The following ANKRD30B variants were observed in gnomAD, a reference collection of about 807,000 sequenced individuals.
The protein encoded by ANKRD30B is ankyrin repeat domain 30B.
In ANKRD30B, 144 loss-of-function variants were observed where a neutral mutation model predicts 202.2. That is an observed-to-expected ratio of 0.71 (90% confidence interval 0.62 to 0.82). The LOEUF (loss-of-function observed/expected upper bound fraction) is 0.82. Among genes scored for constraint, ANKRD30B ranks in the 40% least tolerant of loss-of-function variants. The pLI, the probability that ANKRD30B is intolerant of heterozygous loss-of-function variation, is 0.00. For synonymous variants in ANKRD30B, 508 were observed against 561.3 expected (o/e 0.91, Z 1.34); for missense variants, 1,487 against 1,669.1 (o/e 0.89, Z 1.90).
At chr18:14,770,174 T>C (rs1471370548) in intron 8 of ANKRD30B, among the ~76,000 whole-genome samples, 1 of 152,198 alleles carries the variant, frequency 6.6e-6, no homozygotes, top group Non-Finnish European at 1.5e-5. Flanking sequence ...TCTTCTCTGC[T>C]TTGCTTGGTG....
At chr18:14,874,552 TC>T in the ANKRD30B span, among the ~76,000 whole-genome samples, 1 of 152,206 alleles carries the variant, frequency 6.6e-6, no homozygotes. Flanking sequence ...TAAAGTTTTA[TC>T]TATTTCGATT....
chr18:14,847,901 T>G (rs1971720168), intron 39 of ANKRD30B, among the ~76,000 whole-genome samples: 1 of 152,068 alleles, frequency 6.6e-6, no homozygotes, highest in Non-Finnish European at 1.5e-5. Flanking sequence ...CTGGCTTACA[T>G]GCAATCTTCA....
the ANKRD30B span, among the ~76,000 whole-genome samples, chr18:14,902,355 T>G: frequency 6.6e-6 from 1 of 152,142 alleles, no homozygotes; most frequent in Non-Finnish European, 1.5e-5. Flanking sequence ...AAAGAGGGAT[T>G]TACCCAATTC....
At chr18:14,834,668 G>T (rs1478829996) in intron 34 of ANKRD30B, among the ~76,000 whole-genome samples, 5 of 151,864 alleles carry the variant, frequency 3.3e-5, no homozygotes, top group Non-Finnish European at 5.9e-5. Flanking sequence ...AAAATACCTA[G>T]TAGAGAATAA....
At chr18:14,850,579 A>T (rs1353380551) in intron 41 of ANKRD30B, among the ~76,000 whole-genome samples, 197 bp downstream of exon 41, 31 of 151,824 alleles carry the variant, frequency 2.0e-4, no homozygotes, top group Non-Finnish European at 3.0e-5. Context: ...TTTCAGTACA[A>T]AGAGCTTTTG....
intron 7 of ANKRD30B, among the ~76,000 whole-genome samples, chr18:14,766,088 A>C (rs1364384876): frequency 6.6e-6 from 1 of 152,278 alleles, no homozygotes; most frequent in Non-Finnish European, 1.5e-5. Flanking sequence ...TTTAGTTATT[A>C]TTGAGTTTAA....
intron 9 of ANKRD30B, among the ~76,000 whole-genome samples, chr18:14,775,345 C>A (rs1347775694): frequency 6.6e-6 from 1 of 152,196 alleles, no homozygotes; most frequent in African/African-American, 2.4e-5. Context: ...TAAATAATTT[C>A]TCTGCATTGA....
intron 34 of ANKRD30B, among the ~76,000 whole-genome samples, chr18:14,833,557 A>G (rs1971045436): frequency 6.6e-6 from 1 of 152,216 alleles, no homozygotes; most frequent in Non-Finnish European, 1.5e-5. Context: ...AGTTTATGAA[A>G]CATTCATTTT....
At chr18:14,917,211 A>G in the ANKRD30B span, among the ~76,000 whole-genome samples, 1 of 151,600 alleles carries the variant, frequency 6.6e-6, no homozygotes, top group East Asian at 1.9e-4. Flanking sequence ...TATTTCTTCT[A>G]TTTTTCCCTT....
intron 37 of ANKRD30B, among the ~76,000 whole-genome samples, chr18:14,841,457 G>T (rs1464922967): frequency 6.6e-6 from 1 of 152,096 alleles, no homozygotes; most frequent in East Asian, 1.9e-4. Flanking sequence ...TTGGATAGAA[G>T]TTCAAGACAT....
the ANKRD30B span, among the ~76,000 whole-genome samples, chr18:14,919,191 T>C: frequency 2.0e-5 from 3 of 152,238 alleles, no homozygotes; most frequent in African/African-American, 7.2e-5. Flanking sequence ...AAGGACTTGC[T>C]AGTGTTCTTC....
chr18:14,918,065 C>T, the ANKRD30B span, among the ~76,000 whole-genome samples: 6 of 152,038 alleles, frequency 3.9e-5, no homozygotes, highest in Admixed American at 1.3e-4. Flanking sequence ...AAGAAGAAAG[C>T]GGGGTGTGGA....
chr18:14,799,334 A>G (rs780417902), intron 22 of ANKRD30B, 39 bp downstream of exon 22: 2 of 1,458,298 alleles, frequency 1.4e-6, no homozygotes, highest in African/African-American at 2.9e-5. Context: ...GGAATTAAGA[A>G]TATTAAACTA....
chr18:14,883,028 C>CTGTGAGCACATTTCT, the ANKRD30B span, among the ~76,000 whole-genome samples: 1 of 152,052 alleles, frequency 6.6e-6, no homozygotes, highest in African/African-American at 2.4e-5. Context: ...CCTACATTTC[C>CTGTGAGCACATTTCT]TGTGAGCCCC....
At position 14,754,880 on chromosome 18, in the gene ANKRD30B, T is replaced by C. The variant is rs1314626205; in HGVS notation, c.511-19T>C. 6.8e-7 allele frequency: 1 copy of C among 1,471,384 alleles called. No homozygotes were observed. The highest frequency in any genetic ancestry group is 1.8e-4 in the Middle Eastern group (1 of 5,676). 91.1% of individuals were successfully genotyped at this position (1,471,384 alleles called of 1,614,324 possible). On this transcript the variant is annotated intron_variant, in intron 3 of 43. Coordinates refer to ENST00000690538, the MANE Select transcript of ANKRD30B (RefSeq NM_001367607.2). Reference sequence around the variant, plus strand: ...AATATGTAATTTCATGAATTATATATTGTTCTGCTATTTTACAGGCTAGCC... The same window carrying C: ...AATATGTAATTTCATGAATTATATACTGTTCTGCTATTTTACAGGCTAGCC...
the ANKRD30B span, among the ~76,000 whole-genome samples, chr18:14,889,768 C>G: frequency 2.0e-5 from 3 of 150,904 alleles, no homozygotes; most frequent in East Asian, 5.8e-4. Context: ...TGATTCAACT[C>G]ATTTTACAGA....
At chr18:14,826,673 T>TCCC (rs751436169) in intron 32 of ANKRD30B, among the ~76,000 whole-genome samples, 1 of 120,048 alleles carries the variant, frequency 8.3e-6, no homozygotes, top group African/African-American at 3.5e-5. Context: ...TCTCTCTCTC[T>TCCC]CCCCCTCTCT....
intron 4 of ANKRD30B, 90 bp from the exon 5 acceptor site, chr18:14,757,725 T>G (rs1272493707): frequency 1.2e-5 from 16 of 1,367,952 alleles, no homozygotes; most frequent in Non-Finnish European, 1.6e-5. Context: ...ATACTTATGT[T>G]TGTTAGTACA....
the ANKRD30B span, among the ~76,000 whole-genome samples, chr18:14,939,071 C>G: frequency 6.6e-6 from 1 of 152,216 alleles, no homozygotes; most frequent in Non-Finnish European, 1.5e-5. Flanking sequence ...TTGAATCCAT[C>G]TTACTCATCG....
Sources: allele counts gnomAD v4.1 joint callset (sites outside exome capture counted in the v4.1 genomes callset), GRCh38; gene constraint gnomAD v4.1.1; transcripts MANE v1.5; gene names NCBI Gene and HGNC (gene_info 2026-07-23, HGNC 2026-07-21).